Variants in TMEM143 observed in about 807,000 individuals in gnomAD.
TMEM143 encodes the protein transmembrane protein 143.
Under a neutral mutation model 40.3 loss-of-function variants are expected in TMEM143, and 45 were observed. That is an observed-to-expected ratio of 1.12 (90% CI 0.88 to 1.43). The LOEUF is 1.43. TMEM143 is among the 40% of genes most tolerant of loss of function. The pLI is 0.00. For synonymous variants in TMEM143, 299 were observed against 282.7 expected, an observed-to-expected ratio of 1.06 and a Z score of -0.58; for missense variants, 620 against 613.4, an observed-to-expected ratio of 1.01 and a Z score of -0.11.
rs755615365 is a variant in TMEM143 at position 48,363,449 on chromosome 19, C to T, written c.106G>A (p.Ala36Thr). The T allele has an allele frequency of 2.5e-6, 4 of 1,613,936 alleles. No homozygotes were observed. Among genetic ancestry groups the T allele is most frequent in the Non-Finnish European group, 2.5e-6 (3 of 1,179,990 alleles). The change falls in exon 2 of 8, where the codon GCG (alanine) becomes ACG (threonine). Residue 36 changes from alanine (A) to threonine (T), a missense_variant. By Grantham distance (58) the Ala-to-Thr change is moderately conservative (BLOSUM62 0). Transcript: ENST00000293261. ...SRVRVWPLLP[A>T]LLGPPRALSS... ...AGGGCCCGGGGGGGCCCGAGGAGCG[C>T]GGGCAACAGTGGCCATACTCGGACC... is the stretch of plus-strand genomic sequence containing the variant.
In TMEM143 at chr19:48,334,137, T is replaced by G; in HGVS notation, c.1036A>C (p.Ser346Arg). ...AGCAGCTCCGAGTTGTTGGACGTAC[T>G]GCGATAGTACAGCATGTGCGCCAGC... Reference protein sequence around the residue: ...LELAHMLYYRSTSNNSELLSA... With the variant: ...LELAHMLYYRRTSNNSELLSA... Residue 346 changes from serine (S) to arginine (R), a missense_variant, in exon 7 of 8, where the codon AGT becomes CGT. By Grantham distance (110) the Ser-to-Arg change is moderately radical. Transcript: ENST00000293261. 3 of 1,608,524 alleles carry G rather than the reference T, an allele frequency of 1.9e-6. No individual in the cohort carries two copies. The highest frequency in any genetic ancestry group is 2.5e-6 in the Non-Finnish European group (3 of 1,177,994).
chr19:48,353,677 C>T (rs968609153), intron 3 of TMEM143, among the ~76,000 whole-genome samples: 5 of 151,576 alleles, frequency 3.3e-5, no homozygotes, highest in African/African-American at 9.7e-5. Flanking sequence ...TGATCTCATT[C>T]GGAAATAGGG....
Position 48,333,822 on chromosome 19 carries a change from A to C in TMEM143, c.1165+186T>G, listed in dbSNP as rs1330314551. On this transcript the variant is annotated intron_variant, in intron 7 of 7. Transcript: ENST00000293261. The surrounding 1 kb of genome is among the most constrained non-coding windows in gnomAD (Gnocchi z 4.1). Reference sequence around the variant, plus strand: ...ACTCCCAACCAGGCTGAGGTTAAGAAAGGGCTGTCACATCAGGCACCAAGA... The same window carrying C: ...ACTCCCAACCAGGCTGAGGTTAAGACAGGGCTGTCACATCAGGCACCAAGA... 6.6e-6 allele frequency among the ~76,000 whole-genome samples: 1 copy of C among 152,146 alleles called. No individual in the cohort carries two copies. The highest frequency in any genetic ancestry group is 1.5e-5 in the Non-Finnish European group (1 of 68,018).
chr19:48,345,193 C>T lies in TMEM143; in HGVS notation c.531G>A (p.Ala177=), dbSNP rs781225606. Residue 177 remains alanine, a synonymous_variant, in exon 4 of 8, where the codon GCG becomes GCA. Transcript: ENST00000293261. ...SPLSEDTLAY[A]LVVHHPQDEV... is the part of the protein sequence containing the mutation. ...CATCCTGAGGGTGGTGGACCACCAG[C>T]GCGTAGGCCAGGGTGTCCTCAGACA... is the stretch of plus-strand genomic sequence containing the variant. The T allele has an allele frequency of 2.5e-5, 40 of 1,613,486 alleles. 1 individual carries two copies. The highest frequency in any genetic ancestry group is 2.2e-5 in the East Asian group (1 of 44,766).
chr19:48,363,675 G>T, intron 1 of TMEM143, 144 bp from the exon 2 acceptor site: 1 of 1,399,384 alleles, frequency 7.1e-7, no homozygotes, highest in Non-Finnish European at 9.6e-7. Context: ...CCTGTTGCCT[G>T]TCCCCTTCCC....
Position 48,360,186 on chromosome 19 carries a change from C to T in TMEM143, c.265-10G>A. ...GACTCGAGTGGAATTCCTGTTACCTCAGGAAGCAAAACTTCTCTGTAGGCC... is the reference window on the plus strand; with the variant it reads ...GACTCGAGTGGAATTCCTGTTACCTTAGGAAGCAAAACTTCTCTGTAGGCC... On this transcript the variant is annotated splice_polypyrimidine_tract_variant and intron_variant, in intron 2 of 7. Coordinates refer to ENST00000293261, the MANE Select transcript of TMEM143 (RefSeq NM_018273.4). The T allele has an allele frequency of 6.2e-7, 1 of 1,613,772 alleles. No individual in the cohort carries two copies. The highest frequency in any genetic ancestry group is 8.5e-7 in the Non-Finnish European group (1 of 1,179,790).
At chr19:48,363,671 G>T in intron 1 of TMEM143, 140 bp from the exon 2 acceptor site, 1 of 1,405,812 alleles carries the variant, frequency 7.1e-7, no homozygotes, top group Non-Finnish European at 9.5e-7. Flanking sequence ...AGCCCCTGTT[G>T]CCTGTCCCCT....
At chr19:48,348,025 C>CA (rs556686693) in intron 3 of TMEM143, among the ~76,000 whole-genome samples, 7,808 of 103,162 alleles carry the variant, frequency 0.076, 340 homozygotes, top group African/African-American at 0.12. Flanking sequence ...GACCCTGTCT[C>CA]AAAAAAAAAA....
chr19:48,336,159 A>T (rs1294452506), intron 6 of TMEM143, among the ~76,000 whole-genome samples: 2 of 152,128 alleles, frequency 1.3e-5, no homozygotes, highest in Non-Finnish European at 2.9e-5. Context: ...AGGAGGGCAG[A>T]TCACTTGAGG....
At chr19:48,353,457 T>C (rs1021429172) in intron 3 of TMEM143, among the ~76,000 whole-genome samples, 3 of 151,866 alleles carry the variant, frequency 2.0e-5, no homozygotes, top group Admixed American at 2.0e-4. Context: ...GTGCTGGGAT[T>C]ACAGGTGTGA....
chr19:48,355,735 G>T (rs906589422), intron 3 of TMEM143, among the ~76,000 whole-genome samples: 3 of 152,220 alleles, frequency 2.0e-5, no homozygotes, highest in African/African-American at 4.8e-5. Context: ...ACCGGCCCTG[G>T]ACCAGCTTCT....
intron 6 of TMEM143, 28 bp downstream of exon 6, chr19:48,342,502 G>A (rs1044628360): frequency 1.3e-5 from 21 of 1,577,678 alleles, no homozygotes; most frequent in Admixed American, 1.8e-5. Flanking sequence ...GCGCAGGGCC[G>A]CAGGAGGCGT....
intron 3 of TMEM143, chr19:48,359,832 C>T: frequency 4.3e-6 from 2 of 469,576 alleles, no homozygotes; most frequent in Non-Finnish European, 3.8e-6. Flanking sequence ...TATCTCACTA[C>T]TCCGCCTCAT....
rs542890928 is a variant in TMEM143, at chr19:48,352,406, C to T, written c.370-7052G>A. Among the ~76,000 whole-genome samples the T allele has an allele frequency of 5.5e-4, 83 of 151,134 alleles. No homozygotes were observed. In the South Asian group the frequency reaches 0.016, roughly 29 times the overall value. ...GCAGCTTCAACCTCCCAGGCTCAAG[C>T]GATCCTCCTGCCTCAGCCTCCCAAG... On this transcript the variant is annotated intron_variant, in intron 3 of 7. Coordinates refer to ENST00000293261, the MANE Select transcript of TMEM143 (RefSeq NM_018273.4).
At position 48,354,147 on chromosome 19, in the gene TMEM143, C is replaced by T. The variant is rs1412058911; in HGVS notation, c.369+5925G>A. On this transcript the variant is annotated intron_variant, in intron 3 of 7. Coordinates refer to ENST00000293261, the MANE Select transcript of TMEM143 (RefSeq NM_018273.4). ...CTAATTTTTGTATTTTTAGTAGAGT[C>T]GGGGTTTCACCATGTTGGCCAGATT... Among the ~76,000 whole-genome samples, 5 of 148,078 alleles carry T rather than the reference C, an allele frequency of 3.4e-5. No individual in the cohort carries two copies. In the South Asian group the frequency reaches 6.4e-4, roughly 19 times the overall value.
intron 2 of TMEM143, chr19:48,360,423 C>A (rs918725000): frequency 1.8e-5 from 7 of 398,576 alleles, no homozygotes; most frequent in Non-Finnish European, 2.8e-5. Context: ...ACTAAAAATA[C>A]AAAAATTAGC....
At chr19:48,348,197 GAGAA>G (rs1391692579) in intron 3 of TMEM143, among the ~76,000 whole-genome samples, 1 of 152,076 alleles carries the variant, frequency 6.6e-6, no homozygotes, top group East Asian at 1.9e-4. Context: ...TTGAAAGCTG[GAGAA>G]AGAAATCTGC....
intron 6 of TMEM143, among the ~76,000 whole-genome samples, chr19:48,339,317 C>T (rs1269218147): frequency 6.6e-6 from 1 of 152,126 alleles, no homozygotes. Context: ...AGTGAGGGCC[C>T]CAGCCGGGAG....
At position 48,342,681 on chromosome 19, in the gene TMEM143, G is replaced by T. The variant is rs761436105; in HGVS notation, c.824C>A (p.Thr275Asn). 5.6e-6 allele frequency: 9 copies of T among 1,614,156 alleles called. No individual in the cohort carries two copies. Among genetic ancestry groups the T allele is most frequent in the South Asian group, 1.1e-5 (1 of 91,084 alleles). The change falls in exon 6 of 8, where the codon ACC becomes AAC. Residue 275 changes from threonine to asparagine, a missense_variant. Transcript: ENST00000293261. ...GAGGTTGAGCAGGGCGCGCTGCAGG[G>T]TGGGCGTGCGCACCTTCAGCTCCGG... is the stretch of plus-strand genomic sequence containing the variant. ...LLPELKVRTP[T>N]LQRALLNLML... is the part of the protein sequence containing the mutation.
Sources: gnomAD v4.1 joint callset for allele counts (sites outside exome capture counted in the v4.1 genomes callset) on GRCh38, gnomAD v4.1.1 for gene constraint, Gnocchi (gnomAD v3.1) non-coding constraint, MANE v1.5 for transcripts, NCBI Gene and HGNC (gene_info 2026-07-23, HGNC 2026-07-21) for gene names.